Variants in PLEKHH2 observed in about 807,000 individuals in gnomAD.
PLEKHH2 encodes pleckstrin homology domain-containing family H member 2.
Under a neutral mutation model 187.9 loss-of-function variants are expected in PLEKHH2, and 129 were observed. That is an observed-to-expected ratio of 0.69 (90% CI 0.59 to 0.79). PLEKHH2 has a LOEUF of 0.79. Among genes scored for constraint, PLEKHH2 ranks in the 30% least tolerant of loss-of-function variants. The pLI, the probability that PLEKHH2 is intolerant of heterozygous loss-of-function variation, is 0.00. For synonymous variants in PLEKHH2, 686 were observed against 605.6 expected (o/e 1.13, Z -1.95); for missense variants, 2,076 against 1,751.2 (o/e 1.19, Z -3.31).
chr2:43,673,672 T>C (rs183971292), intron 2 of PLEKHH2, among the ~76,000 whole-genome samples: 124 of 152,358 alleles, frequency 8.1e-4, no homozygotes, highest in Admixed American at 3.2e-3. Context: ...TATTAGATAC[T>C]ATGTTGGATG....
At chr2:43,687,059 G>A (rs1445281313) in intron 3 of PLEKHH2, among the ~76,000 whole-genome samples, 2 of 152,054 alleles carry the variant, frequency 1.3e-5, no homozygotes, top group African/African-American at 4.8e-5. Context: ...GTTATATTAC[G>A]TGATGCTGAG....
chr2:43,651,408 C>T (rs1319121848), intron 2 of PLEKHH2, among the ~76,000 whole-genome samples: 2 of 152,148 alleles, frequency 1.3e-5, no homozygotes, highest in South Asian at 2.1e-4. Flanking sequence ...TATTTCTATC[C>T]CTTTGTTTCT....
chr2:43,678,797 C>A, intron 2 of PLEKHH2, 66 bp from the exon 3 acceptor site: 2 of 1,250,432 alleles, frequency 1.6e-6, no homozygotes, highest in Non-Finnish European at 1.1e-6. Context: ...ATTTTTAAAG[C>A]CTTTTTCAGA....
intron 2 of PLEKHH2, among the ~76,000 whole-genome samples, chr2:43,653,277 T>A (rs1055093773): frequency 3.3e-5 from 5 of 152,102 alleles, no homozygotes; most frequent in Admixed American, 6.6e-5. Context: ...AAAGAAAAGA[T>A]TCTGCAAGCT....
chr2:43,660,291 C>A (rs1667001244), intron 2 of PLEKHH2, among the ~76,000 whole-genome samples: 1 of 152,102 alleles, frequency 6.6e-6, no homozygotes, highest in African/African-American at 2.4e-5. Context: ...AGTTGATGGT[C>A]ATTTGGGTTG....
chr2:43,679,874 G>C (rs1254565451), intron 3 of PLEKHH2, among the ~76,000 whole-genome samples: 1 of 152,104 alleles, frequency 6.6e-6, no homozygotes, highest in African/African-American at 2.4e-5. Context: ...GTCTCACTAT[G>C]TTGTCCAGGA....
intron 2 of PLEKHH2, among the ~76,000 whole-genome samples, chr2:43,672,838 T>A (rs6714122): frequency 0.64 from 97,489 of 151,940 alleles, 32,026 homozygotes; most frequent in Middle Eastern, 0.71. Context: ...GCAAACTACT[T>A]TATCCATAAT....
chr2:43,648,214 A>T (rs1666278973), intron 2 of PLEKHH2, among the ~76,000 whole-genome samples: 1 of 151,994 alleles, frequency 6.6e-6, no homozygotes, highest in Admixed American at 6.6e-5. Flanking sequence ...TTTGAGACAG[A>T]GTCTTGCTCT....
In PLEKHH2 at chr2:43,766,575, T is replaced by A. The variant is rs1243565653; in HGVS notation, c.*977T>A. On this transcript the variant is annotated 3_prime_UTR_variant, in exon 30 of 30. Coordinates refer to ENST00000282406, the MANE Select transcript of PLEKHH2 (RefSeq NM_172069.4). ...TCCCAAAGTGCTGGGATTACAAGTG[T>A]GAGCCACCACACCTGGCTCCAGAAA... 1.3e-5 allele frequency: 2 copies of A among 152,590 alleles called. No individual in the cohort carries two copies. Among genetic ancestry groups the A allele is most frequent in the Non-Finnish European group, 2.9e-5 (2 of 68,322 alleles). 9.5% of individuals were successfully genotyped at this position (152,590 alleles called of 1,614,324 possible). A position where few individuals can be genotyped will look rare whatever the true frequency, so the allele number is the denominator to read the frequency against.
intron 3 of PLEKHH2, among the ~76,000 whole-genome samples, chr2:43,686,501 G>C (rs1046318482): frequency 6.6e-6 from 1 of 152,168 alleles, no homozygotes; most frequent in Admixed American, 6.5e-5. Context: ...CCGGCCTGAA[G>C]TCATTTTTGA....
chr2:43,738,346 C>T lies in PLEKHH2; in HGVS notation c.2949C>T (p.Cys983=). 1 of 1,607,258 alleles carries T rather than the reference C, an allele frequency of 6.2e-7. No homozygotes were observed. The highest frequency in any genetic ancestry group is 8.5e-7 in the Non-Finnish European group (1 of 1,175,344). ...TCTTTTTTTGTTTAATTCAGACCTG[C>T]CAGCTTTTTATAAATGCTGCAGTTG... is the stretch of plus-strand genomic sequence containing the variant. ...QTEAIKLFKT[C]QLFINAAVDS... The change falls in exon 20 of 30, where the codon TGC becomes TGT. Residue 983 remains cysteine, a synonymous_variant. Coordinates refer to ENST00000282406, the MANE Select transcript of PLEKHH2 (RefSeq NM_172069.4).
At chr2:43,751,724 G>T (rs988433931) in intron 24 of PLEKHH2, among the ~76,000 whole-genome samples, 1 of 152,160 alleles carries the variant, frequency 6.6e-6, no homozygotes, top group South Asian at 2.1e-4. Context: ...GCTGAAAGCT[G>T]GCCATATTGT....
At chr2:43,698,691 G>A (rs928980894) in intron 7 of PLEKHH2, among the ~76,000 whole-genome samples, 1 of 152,112 alleles carries the variant, frequency 6.6e-6, no homozygotes, top group Non-Finnish European at 1.5e-5. Flanking sequence ...GAATTTTAGA[G>A]TTTATTTGTT....
chr2:43,704,662 T>TAAAAAAAAAAA (rs70965318), intron 9 of PLEKHH2, among the ~76,000 whole-genome samples: 13 of 84,290 alleles, frequency 1.5e-4, no homozygotes, highest in African/African-American at 5.5e-4. Context: ...GATTCTGTCT[T>TAAAAAAAAAAA]AAAAAAAAAA....
At chr2:43,650,566 G>C (rs1228074446) in intron 2 of PLEKHH2, among the ~76,000 whole-genome samples, 2 of 151,980 alleles carry the variant, frequency 1.3e-5, no homozygotes, top group African/African-American at 2.4e-5. Context: ...ATTTTGCAAA[G>C]TTATTGTCCA....
At position 43,762,807 on chromosome 2, in the gene PLEKHH2, T is replaced by G. The variant is rs927273503; in HGVS notation, c.4158+417T>G. 3.9e-5 allele frequency among the ~76,000 whole-genome samples: 6 copies of G among 152,370 alleles called. No individual in the cohort carries two copies. The South Asian group carries it at 1.2e-3, about 32-fold the overall frequency. On this transcript the variant is annotated intron_variant, in intron 28 of 29. Transcript: ENST00000282406. ...TTCTATAATTTCCTATAATGTCATT[T>G]ATATAGCATCTTAGCACTTTTCACA...
intron 2 of PLEKHH2, among the ~76,000 whole-genome samples, chr2:43,659,251 C>A (rs914525367): frequency 6.6e-6 from 1 of 151,742 alleles, no homozygotes; most frequent in Non-Finnish European, 1.5e-5. Flanking sequence ...CCTGCCTCAG[C>A]CTCCCAAAGT....
chr2:43,713,166 C>G (rs749449856), intron 15 of PLEKHH2, among the ~76,000 whole-genome samples: 36 of 151,822 alleles, frequency 2.4e-4, no homozygotes, highest in Non-Finnish European at 3.8e-4. Flanking sequence ...AAAATTTATC[C>G]TTAGGAAGTG....
intron 2 of PLEKHH2, among the ~76,000 whole-genome samples, chr2:43,655,114 G>A (rs1047896116): frequency 6.6e-5 from 10 of 152,118 alleles, no homozygotes; most frequent in Non-Finnish European, 1.3e-4. Flanking sequence ...GCTGAGGCAA[G>A]AGGATCGCCT....
Sources: allele counts gnomAD v4.1 joint callset (sites outside exome capture counted in the v4.1 genomes callset), GRCh38; gene constraint gnomAD v4.1.1; transcripts MANE v1.5; gene names NCBI Gene and HGNC (gene_info 2026-07-23, HGNC 2026-07-21).